PRELID3A: variants seen among roughly 807,000 people sequenced by gnomAD.
PRELID3A encodes the protein PRELI domain containing protein 3A.
A neutral mutation model predicts 23.0 loss-of-function variants in PRELID3A; 27 were observed. That is an observed-to-expected ratio of 1.17 (90% CI 0.87 to 1.62). The LOEUF is 1.62. PRELID3A is among the 40% of genes most tolerant of loss of function. PRELID3A has a pLI of 0.00. For synonymous variants in PRELID3A, 87 were observed against 86.4 expected (o/e 1.01, Z -0.04); for missense variants, 231 against 231.4 (o/e 1.00, Z 0.01).
chr18:12,428,310 T>C (rs966997807), intron 5 of PRELID3A, among the ~76,000 whole-genome samples: 1 of 152,234 alleles, frequency 6.6e-6, no homozygotes, highest in Non-Finnish European at 1.5e-5. Context: ...GGTAGGAAGA[T>C]GTTCCTCACA....
chr18:12,419,611 A>G (rs1425439747), intron 1 of PRELID3A, among the ~76,000 whole-genome samples: 1 of 150,946 alleles, frequency 6.6e-6, no homozygotes, highest in African/African-American at 2.4e-5. Context: ...CCTGGGTGAT[A>G]GAGTGAGACC....
At chr18:12,413,209 C>CG (rs1451447821) in intron 1 of PRELID3A, among the ~76,000 whole-genome samples, 12 of 152,140 alleles carry the variant, frequency 7.9e-5, no homozygotes, top group Admixed American at 6.5e-5. Context: ...TGAGGCCTAG[C>CG]GGGGGTAATC....
Position 12,429,363 on chromosome 18 carries a change from T to A in PRELID3A, c.479T>A (p.Ile160Asn). ...SSNAKKGWAA[I>N]EWIIEHSESA... ...TCTGTGTTGCAGGGGTGGGCTGCTA[T>A]CGAGTGGATAATTGAACACTCTGAA... The change falls in exon 6 of 7, where the codon ATC becomes AAC. Residue 160 changes from isoleucine (I) to asparagine (N), a missense_variant. By Grantham distance (149) the Ile-to-Asn change is moderately radical (BLOSUM62 -3). Transcript: ENST00000440960. 1 of 1,613,796 alleles carries A rather than the reference T, an allele frequency of 6.2e-7. No homozygotes were observed. The highest frequency in any genetic ancestry group is 8.5e-7 in the Non-Finnish European group (1 of 1,180,012).
intron 1 of PRELID3A, among the ~76,000 whole-genome samples, chr18:12,419,187 G>A (rs746726696): frequency 1.3e-5 from 2 of 151,254 alleles, no homozygotes; most frequent in Non-Finnish European, 2.9e-5. Flanking sequence ...TTAGCTGGGT[G>A]TGGTGGCGGG....
At chr18:12,420,557 T>C in intron 2 of PRELID3A, 64 bp downstream of exon 2, 1 of 1,368,634 alleles carries the variant, frequency 7.3e-7, no homozygotes, top group Non-Finnish European at 9.5e-7. Flanking sequence ...CCCCGCCCTC[T>C]CCCGCGTCCC....
chr18:12,430,368 GGTGT>G (rs58524238), intron 6 of PRELID3A, among the ~76,000 whole-genome samples: 10 of 150,448 alleles, frequency 6.6e-5, no homozygotes, highest in Non-Finnish European at 8.9e-5. Context: ...ATGTGTGTGT[GGTGT>G]GTGTGTGTGT....
rs187617064 is a variant in PRELID3A, at chr18:12,420,133, G to A, written c.33-192G>A. 1.3e-5 allele frequency: 19 copies of A among 1,425,560 alleles called. No homozygotes were observed. The African/African-American group carries it at 2.5e-4, about 18-fold the overall frequency. 88.3% of individuals were successfully genotyped at this position (1,425,560 alleles called of 1,614,324 possible). On this transcript the variant is annotated intron_variant, in intron 1 of 6. Transcript: ENST00000440960. ...CAAACAAAAACCAAGGGGCTGCCAG[G>A]TGCCGAGGCGTGCAGGTGCTGAGCC...
chr18:12,416,647 CTTTTTTTTTTT>C (rs33927481), intron 1 of PRELID3A, among the ~76,000 whole-genome samples: 1 of 133,184 alleles, frequency 7.5e-6, no homozygotes, highest in African/African-American at 2.8e-5. Context: ...TTCTTTCTTT[CTTTTTTTTTTT>C]TTTTTTAGAC....
intron 1 of PRELID3A, among the ~76,000 whole-genome samples, chr18:12,412,055 C>T (rs934130183): frequency 2.0e-5 from 3 of 151,948 alleles, no homozygotes; most frequent in Non-Finnish European, 2.9e-5. Flanking sequence ...GAACCACAGG[C>T]GCCCGCCACC....
chr18:12,423,760 CCCGAACCGGTA>C (rs2030269504), intron 3 of PRELID3A, among the ~76,000 whole-genome samples: 1 of 152,172 alleles, frequency 6.6e-6, no homozygotes, highest in Admixed American at 6.5e-5. Context: ...TGCGCAAGTA[CCCGAACCGGTA>C]CCTGGGCAGC....
intron 3 of PRELID3A, among the ~76,000 whole-genome samples, chr18:12,425,801 G>A (rs2030340000): frequency 6.6e-6 from 1 of 151,886 alleles, no homozygotes; most frequent in South Asian, 2.1e-4. Context: ...TTAGCCGGAT[G>A]TGGTGGTGTG....
intron 1 of PRELID3A, among the ~76,000 whole-genome samples, chr18:12,409,174 T>TTG (rs1909830082): frequency 7.2e-6 from 1 of 138,476 alleles, no homozygotes; most frequent in African/African-American, 2.8e-5. Context: ...TTTTTTTTTT[T>TTG]TTTTTTTTTT....
intron 3 of PRELID3A, among the ~76,000 whole-genome samples, chr18:12,421,845 CTT>C (rs1215261270): frequency 6.6e-6 from 1 of 152,200 alleles, no homozygotes; most frequent in East Asian, 1.9e-4. Context: ...GAACGCACCT[CTT>C]AACTAGCAGG....
chr18:12,424,461 A>C (rs1188611216), intron 3 of PRELID3A, among the ~76,000 whole-genome samples: 2 of 152,228 alleles, frequency 1.3e-5, no homozygotes, highest in Non-Finnish European at 2.9e-5. Flanking sequence ...ACTTGCATAA[A>C]ATATTGCACA....
At chr18:12,408,083 A>G (rs1052006735) in intron 1 of PRELID3A, 76 bp downstream of exon 1, 9 of 1,190,334 alleles carry the variant, frequency 7.6e-6, no homozygotes, top group African/African-American at 1.6e-5. Flanking sequence ...GGAGCGGTCC[A>G]GGAAAGGCCG....
intron 5 of PRELID3A, among the ~76,000 whole-genome samples, chr18:12,427,723 AAATAAATAAAATCC>A (rs1364160473): frequency 1.3e-5 from 2 of 151,932 alleles, no homozygotes; most frequent in African/African-American, 4.8e-5. Flanking sequence ...AATAAAAAAT[AAATAAATAAAATCC>A]TGAGTGCTGG....
chr18:12,420,850 G>C, intron 2 of PRELID3A, among the ~76,000 whole-genome samples: 1 of 151,300 alleles, frequency 6.6e-6, no homozygotes, highest in East Asian at 2.0e-4. Flanking sequence ...GGGAGGCTCT[G>C]CCTGGCGCGT....
chr18:12,411,118 C>G (rs1909893180), intron 1 of PRELID3A, among the ~76,000 whole-genome samples: 1 of 151,934 alleles, frequency 6.6e-6, no homozygotes, highest in African/African-American at 2.4e-5. Context: ...AAACAGAGAG[C>G]CCGGGGAAAG....
At chr18:12,428,554 G>A (rs149731199) in intron 5 of PRELID3A, among the ~76,000 whole-genome samples, 12 of 152,134 alleles carry the variant, frequency 7.9e-5, no homozygotes, top group African/African-American at 1.9e-4. Flanking sequence ...TCTCCAACTA[G>A]TGGAAAACCA....
Sources: allele counts gnomAD v4.1 joint callset (sites outside exome capture counted in the v4.1 genomes callset), GRCh38; gene constraint gnomAD v4.1.1; transcripts MANE v1.5; gene names NCBI Gene and HGNC (gene_info 2026-07-23, HGNC 2026-07-21).